Variants in NDRG2 observed in about 807,000 individuals in gnomAD.
NDRG2 encodes the protein NDRG family member 2, also known as protein NDRG2.
NDRG2 carries 34 observed loss-of-function variants against 58.2 expected under a neutral mutation model. That is an observed-to-expected ratio of 0.58 (90% CI 0.44 to 0.78). The LOEUF (loss-of-function observed/expected upper bound fraction) is 0.78, where lower values mean the gene tolerates loss of function less well. NDRG2 is among the 30% of genes least tolerant of loss of function. The pLI is 0.00. For missense variants in NDRG2, 434 were observed against 471.2 expected (o/e 0.92, Z 0.73); for synonymous variants, 187 against 175.9 (o/e 1.06, Z -0.50).
chr14:21,046,065 T>C lies in NDRG2; in HGVS notation c.25-22744A>G, dbSNP rs550472854. The stretch of plus-strand genomic sequence containing the variant: ...AAGTCTTTCAAATATGTATACTTCT[T>C]AAGGGATTATTTTATTTACATAATA... On this transcript the variant is annotated intron_variant, in intron 1 of 14. Transcript: ENST00000403829. Among the ~76,000 whole-genome samples, 13 of 152,372 alleles carry C rather than the reference T, an allele frequency of 8.5e-5. No individual in the cohort carries two copies. The East Asian group carries it at 2.3e-3, about 27-fold the overall frequency.
chr14:21,070,867 G>A lies in NDRG2; in HGVS notation c.-16C>T. 6.5e-7 allele frequency: 1 copy of A among 1,535,608 alleles called. No homozygotes were observed. Among genetic ancestry groups the A allele is most frequent in the Non-Finnish European group, 8.7e-7 (1 of 1,146,838 alleles). ...CATTTTCCATCCCTGTCCCCAACCC[G>A]GTGAGGCAGGCCCACCCATCCGGCC... On this transcript the variant is annotated 5_prime_UTR_variant, in exon 1 of 15. Coordinates refer to the NDRG2 transcript ENST00000403829. This position sits in a 1 kb window ranked among gnomAD's most constrained non-coding sequence, Gnocchi z 4.7.
chr14:21,026,227 G>T (rs867271862), upstream of NDRG2, among the ~76,000 whole-genome samples: 3 of 152,212 alleles, frequency 2.0e-5, no homozygotes, highest in Admixed American at 6.5e-5. Context: ...TGAGTTAGTT[G>T]ATTAAAAATG....
chr14:21,017,732 C>T lies in NDRG2; in HGVS notation c.980G>A (p.Arg327Gln), dbSNP rs1328335681. The change falls in exon 16 of 16, where the codon CGG (arginine) becomes CAG (glutamine). Residue 327 changes from arginine (R) to glutamine (Q), a missense_variant. Coordinates refer to ENST00000556147, the MANE Select transcript of NDRG2 (RefSeq NM_001320329.2). Reference sequence around the variant, plus strand: ...ACTGGTCAGAGAGGCTGTACGAGACCGGGACAGGCGAGTCATGCAGGATGA... The same window carrying T: ...ACTGGTCAGAGAGGCTGTACGAGACTGGGACAGGCGAGTCATGCAGGATGA... Reference protein sequence around the residue: ...MASSCMTRLSRSRTASLTSAA... With the variant: ...MASSCMTRLSQSRTASLTSAA... 5.6e-6 allele frequency: 9 copies of T among 1,601,636 alleles called. No individual in the cohort carries two copies. Among genetic ancestry groups the T allele is most frequent in the African/African-American group, 1.3e-5 (1 of 74,746 alleles).
chr14:21,051,370 G>A (rs546315482), intron 1 of NDRG2, among the ~76,000 whole-genome samples: 74 of 152,268 alleles, frequency 4.9e-4, no homozygotes, highest in African/African-American at 1.5e-3. Flanking sequence ...TGTTTTTATC[G>A]TTATGACCCC....
chr14:21,062,580 A>T (rs1886020707), intron 1 of NDRG2, among the ~76,000 whole-genome samples: 1 of 152,136 alleles, frequency 6.6e-6, no homozygotes, highest in Non-Finnish European at 1.5e-5. Context: ...AGAAAAAGTA[A>T]AACTCAAAGG....
intron 1 of NDRG2, among the ~76,000 whole-genome samples, chr14:21,040,576 T>C (rs1594493326): frequency 6.6e-6 from 1 of 152,242 alleles, no homozygotes; most frequent in East Asian, 1.9e-4. Context: ...GTGCTTGGAG[T>C]AAAAGCCACA....
At position 21,017,883 on chromosome 14, in the gene NDRG2, C is replaced by T. The variant is rs1472819668; in HGVS notation, c.949+104G>A. On this transcript the variant is annotated intron_variant, in intron 15 of 15. Coordinates refer to ENST00000556147, the MANE Select transcript of NDRG2 (RefSeq NM_001320329.2). Reference sequence around the variant, plus strand: ...AACTAAGCCAGGGGATCAACGAGCTCGATTGGGCAGATAGCGGTGAGTCCA... The same window carrying T: ...AACTAAGCCAGGGGATCAACGAGCTTGATTGGGCAGATAGCGGTGAGTCCA... The T allele has an allele frequency of 9.4e-6, 15 of 1,603,386 alleles. No homozygotes were observed. The East Asian group carries it at 1.3e-4, about 14-fold the overall frequency.
chr14:21,020,377 C>A (rs1313005560), intron 8 of NDRG2, 119 bp downstream of exon 8: 1 of 729,926 alleles, frequency 1.4e-6, no homozygotes, highest in Non-Finnish European at 2.4e-6. Flanking sequence ...CACTTTCCTG[C>A]CCCTTTACTC....
chr14:21,039,794 T>C (rs1167370852), intron 1 of NDRG2, among the ~76,000 whole-genome samples: 2 of 152,206 alleles, frequency 1.3e-5, no homozygotes, highest in East Asian at 3.8e-4. Context: ...CAGGGCCATG[T>C]TTATTTCACT....
At position 21,016,889 on chromosome 14, in the gene NDRG2, C is replaced by T. The variant is rs770238922; in HGVS notation, c.*707G>A. The T allele has an allele frequency of 4.4e-6, 2 of 456,574 alleles. No homozygotes were observed. Among genetic ancestry groups the T allele is most frequent in the South Asian group, 1.5e-5 (1 of 64,544 alleles). The allele number at this position is 456,574 out of a possible 1,614,324, so 28.3% of individuals were successfully genotyped here. On this transcript the variant is annotated 3_prime_UTR_variant, in exon 16 of 16. Coordinates refer to ENST00000556147, the MANE Select transcript of NDRG2 (RefSeq NM_001320329.2). ...GTAGCCCTTTCCACCCTATGCCAAGCCCCAAGCAGCCCAGCCCAAGCTTAG... is the reference window on the plus strand; with the variant it reads ...GTAGCCCTTTCCACCCTATGCCAAGTCCCAAGCAGCCCAGCCCAAGCTTAG...
At chr14:21,057,539 T>A (rs999846505) in intron 1 of NDRG2, among the ~76,000 whole-genome samples, 1 of 151,082 alleles carries the variant, frequency 6.6e-6, no homozygotes, top group African/African-American at 2.4e-5. Flanking sequence ...TGAGAGGTCC[T>A]GGTTAAAATC....
rs188857601 is a variant in NDRG2, at chr14:21,037,947, A to G, written c.25-14626T>C. ...GTGGCAGGTGCAAGGGTGACTCCCT[A>G]TGACTGAGGAGAACCCCAAAATTTT... On this transcript the variant is annotated intron_variant, in intron 1 of 14. Transcript: ENST00000403829. 2.6e-5 allele frequency among the ~76,000 whole-genome samples: 4 copies of G among 152,318 alleles called. No homozygotes were observed. The East Asian group carries it at 5.8e-4, about 22-fold the overall frequency.
In NDRG2 at chr14:21,018,041, G is replaced by A. The variant is rs369565049; in HGVS notation, c.898-3C>T. On this transcript the variant is annotated splice_polypyrimidine_tract_variant and splice_region_variant and intron_variant, in intron 14 of 15. Transcript: ENST00000556147. Reference sequence around the variant, plus strand: ...AAGGCCTCGGTCAGCTTGCCTGGCTGCGGAAGTAAGAAGAGGCGAGGGAGA... The same window carrying A: ...AAGGCCTCGGTCAGCTTGCCTGGCTACGGAAGTAAGAAGAGGCGAGGGAGA... The A allele has an allele frequency of 4.3e-5, 70 of 1,613,862 alleles. No homozygotes were observed. The highest frequency in any genetic ancestry group is 1.6e-4 in the Middle Eastern group (1 of 6,084).
At chr14:21,025,752 TGGGGGC>T, upstream of NDRG2, 2 of 159,306 alleles carry the variant, frequency 1.3e-5, no homozygotes, top group Non-Finnish European at 1.5e-5. This position sits in a 1 kb window ranked among gnomAD's most constrained non-coding sequence, Gnocchi z 5.1. Context: ...GGCGGGGAGG[TGGGGGC>T]GGGGAATGCG....
At chr14:21,051,591 C>T in intron 1 of NDRG2, among the ~76,000 whole-genome samples, 1 of 150,082 alleles carries the variant, frequency 6.7e-6, no homozygotes, top group East Asian at 1.9e-4. Context: ...GAGACAAGCT[C>T]ATAGTGCAAA....
At chr14:21,025,767 CG>C, upstream of NDRG2, 4 of 137,870 alleles carry the variant, frequency 2.9e-5, no homozygotes, top group Non-Finnish European at 3.7e-5. The surrounding 1 kb of genome is among the most constrained non-coding windows in gnomAD (Gnocchi z 5.1). Flanking sequence ...GCGGGGAATG[CG>C]GGGGGCCGCT....
rs182917147 is a variant in NDRG2, at chr14:21,043,212, G to A, written c.25-19891C>T. ...CAAAGACCTCAACACCTTCCTGCAC[G>A]AGCCTTTCTCCAGTGTGGCCGCCAC... On this transcript the variant is annotated intron_variant, in intron 1 of 14. Transcript: ENST00000403829. 717 of 1,614,106 alleles carry A rather than the reference G, an allele frequency of 4.4e-4. 1 individual carries two copies. Among genetic ancestry groups the A allele is most frequent in the Non-Finnish European group, 6.9e-5 (82 of 1,180,024 alleles).
At position 21,032,666 on chromosome 14, in the gene NDRG2, T is replaced by C. The variant is rs117664367; in HGVS notation, c.25-9345A>G. 2.2e-3 allele frequency: 755 copies of C among 342,442 alleles called. 16 individuals are homozygous for C. In the East Asian group the frequency reaches 0.041, roughly 18 times the overall value. 21.2% of individuals were successfully genotyped at this position (342,442 alleles called of 1,614,324 possible). On this transcript the variant is annotated intron_variant, in intron 1 of 14. Transcript: ENST00000403829. ...GCCCAGAACTAAGTTTTACCCCACATCACCTCCATCATGGGGCACATGGGA... is the reference window on the plus strand; with the variant it reads ...GCCCAGAACTAAGTTTTACCCCACACCACCTCCATCATGGGGCACATGGGA...
intron 1 of NDRG2, among the ~76,000 whole-genome samples, chr14:21,047,280 C>T (rs764208519): frequency 7.2e-5 from 11 of 151,952 alleles, no homozygotes; most frequent in African/African-American, 2.7e-4. Flanking sequence ...TTTTTAAGCT[C>T]ACAAGGAAAA....
Sources: allele counts gnomAD v4.1 joint callset (sites outside exome capture counted in the v4.1 genomes callset), GRCh38; gene constraint gnomAD v4.1.1; non-coding constraint Gnocchi (gnomAD v3.1); transcripts MANE v1.5; gene names NCBI Gene and HGNC (gene_info 2026-07-23, HGNC 2026-07-21).